The following TMC1 variants were observed in gnomAD, a reference collection of about 807,000 sequenced individuals.
TMC1 encodes transmembrane channel like 1, also known as transmembrane channel-like protein 1.
TMC1 carries 84 observed loss-of-function variants against 105.8 expected under a neutral mutation model. The ratio of observed to expected loss-of-function variants is 0.79; its 90% CI spans 0.67 to 0.95. TMC1 has a LOEUF of 0.95. Ranked by LOEUF, TMC1 falls within the 40% of genes least tolerant of loss-of-function variation. The pLI is 0.00. For missense variants in TMC1, 817 were observed against 914.1 expected, an observed-to-expected ratio of 0.89 and a Z score of 1.37; for synonymous variants, 315 against 311.5, an observed-to-expected ratio of 1.01 and a Z score of -0.12.
At chr9:72,627,834 A>G in intron 3 of TMC1, 87 bp from the exon 4 acceptor site, 1 of 349,480 alleles carries the variant, frequency 2.9e-6, no homozygotes, top group South Asian at 2.3e-5. Context: ...TTGTATTTAA[A>G]AAACATTCTT....
chr9:72,703,986 T>C (rs1050249984), intron 8 of TMC1, among the ~76,000 whole-genome samples: 5 of 152,224 alleles, frequency 3.3e-5, no homozygotes, highest in Admixed American at 6.5e-5. Flanking sequence ...GAATGTTCTA[T>C]TGAGCTTCTC....
chr9:72,583,945 G>A (rs137923657), intron 2 of TMC1, among the ~76,000 whole-genome samples: 6 of 152,182 alleles, frequency 3.9e-5, no homozygotes, highest in Non-Finnish European at 5.9e-5. Flanking sequence ...GTGGTCTTCA[G>A]GTTCCTAGTC....
chr9:72,666,650 G>A (rs746102076), intron 5 of TMC1, among the ~76,000 whole-genome samples: 6 of 152,126 alleles, frequency 3.9e-5, no homozygotes, highest in South Asian at 2.1e-4. Context: ...TATTTGCCAA[G>A]CATGGGCAAT....
intron 23 of TMC1, among the ~76,000 whole-genome samples, chr9:72,831,945 A>G (rs1829049146): frequency 6.6e-6 from 1 of 151,534 alleles, no homozygotes; most frequent in African/African-American, 2.4e-5. Context: ...TCCTTTGGGT[A>G]TATACCCAAA....
intron 12 of TMC1, among the ~76,000 whole-genome samples, chr9:72,768,889 T>G (rs1010076317): frequency 4.6e-5 from 7 of 152,234 alleles, no homozygotes; most frequent in Admixed American, 4.6e-4. Context: ...TGACCCCCTC[T>G]GAAATATTCT....
intron 2 of TMC1, among the ~76,000 whole-genome samples, chr9:72,584,789 T>C (rs1457528449): frequency 4.5e-4 from 65 of 144,230 alleles, no homozygotes; most frequent in South Asian, 1.1e-3. Flanking sequence ...CTTTTCTTTT[T>C]TTTTTTTTTT....
At chr9:72,762,223 G>A (rs1306618897) in intron 12 of TMC1, among the ~76,000 whole-genome samples, 1 of 152,170 alleles carries the variant, frequency 6.6e-6, no homozygotes, top group Non-Finnish European at 1.5e-5. Flanking sequence ...ATATTGGTTA[G>A]CAATAACCCA....
intron 8 of TMC1, among the ~76,000 whole-genome samples, chr9:72,732,149 A>G (rs1041963632): frequency 1.3e-5 from 2 of 152,226 alleles, no homozygotes; most frequent in African/African-American, 2.4e-5. Flanking sequence ...CATTTGCATA[A>G]TTGCCTAGTC....
At chr9:72,633,533 C>T (rs866263212) in intron 4 of TMC1, among the ~76,000 whole-genome samples, 15 of 152,142 alleles carry the variant, frequency 9.9e-5, no homozygotes, top group South Asian at 2.1e-4. Context: ...GGTTCCAAAT[C>T]CAAGGTCTAC....
intron 2 of TMC1, among the ~76,000 whole-genome samples, chr9:72,595,453 T>G (rs1324182675): frequency 1.3e-5 from 2 of 152,184 alleles, no homozygotes; most frequent in Non-Finnish European, 2.9e-5. Flanking sequence ...TGGATTTAAT[T>G]ATGAGGGAAT....
Position 72,533,999 on chromosome 9 carries a change from G to A in TMC1, c.-428+12086G>A, listed in dbSNP as rs573638604. ...AATACAAAAATTAGCCGGGTGTGAT[G>A]GTGCACGCCTGTAATCTCAGCTACT... On this transcript the variant is annotated intron_variant, in intron 1 of 23. Coordinates refer to ENST00000297784, the MANE Select transcript of TMC1 (RefSeq NM_138691.3). Among the ~76,000 whole-genome samples, 3 of 152,086 alleles carry A rather than the reference G, an allele frequency of 2.0e-5. No individual in the cohort carries two copies. In the East Asian group the frequency reaches 5.8e-4, roughly 29 times the overall value.
chr9:72,699,225 G>A (rs1043043099), intron 7 of TMC1, among the ~76,000 whole-genome samples: 15 of 152,032 alleles, frequency 9.9e-5, no homozygotes, highest in East Asian at 5.8e-4. Context: ...GTTCTGGACC[G>A]CATAGTGTTT....
intron 5 of TMC1, chr9:72,651,281 A>G (rs1825810706): frequency 6.6e-6 from 1 of 151,996 alleles, no homozygotes; most frequent in Non-Finnish European, 1.5e-5. Flanking sequence ...AGCAAGGCAA[A>G]TTTATCTGCC....
At chr9:72,692,881 G>A (rs2132187892) in intron 6 of TMC1, among the ~76,000 whole-genome samples, 1 of 152,236 alleles carries the variant, frequency 6.6e-6, no homozygotes, top group Non-Finnish European at 1.5e-5. Flanking sequence ...CACTTTGGGA[G>A]GCCAAGGCAG....
At chr9:72,716,945 G>A (rs990592856) in intron 8 of TMC1, among the ~76,000 whole-genome samples, 2 of 152,202 alleles carry the variant, frequency 1.3e-5, no homozygotes, top group Non-Finnish European at 2.9e-5. Flanking sequence ...TGAAGACCAT[G>A]GGAAAAGTGC....
At chr9:72,527,680 C>T (rs1214592591) in intron 1 of TMC1, among the ~76,000 whole-genome samples, 1 of 152,202 alleles carries the variant, frequency 6.6e-6, no homozygotes, top group African/African-American at 2.4e-5. Context: ...GCGACCGCTG[C>T]TGCTGTTGTT....
chr9:72,796,532 G>A (rs1003634793), intron 17 of TMC1, among the ~76,000 whole-genome samples: 5 of 152,122 alleles, frequency 3.3e-5, no homozygotes, highest in Non-Finnish European at 5.9e-5. Context: ...CCACAATCAA[G>A]TAGGCGTCAT....
At chr9:72,687,240 A>G (rs920653777) in intron 5 of TMC1, among the ~76,000 whole-genome samples, 9 of 152,328 alleles carry the variant, frequency 5.9e-5, no homozygotes, top group Non-Finnish European at 1.0e-4. Flanking sequence ...GCTGTGGGTC[A>G]GCATTTGCTA....
At chr9:72,686,093 C>T (rs997353789) in intron 5 of TMC1, among the ~76,000 whole-genome samples, 1 of 152,132 alleles carries the variant, frequency 6.6e-6, no homozygotes, top group Non-Finnish European at 1.5e-5. Flanking sequence ...TCTGGGTTGC[C>T]TAGGAGTTCA....
Sources: allele counts gnomAD v4.1 joint callset (sites outside exome capture counted in the v4.1 genomes callset), GRCh38; gene constraint gnomAD v4.1.1; transcripts MANE v1.5; gene names NCBI Gene and HGNC (gene_info 2026-07-23, HGNC 2026-07-21).